The following MATN4 variants were observed in gnomAD, a reference collection of about 807,000 sequenced individuals.
MATN4 encodes matrilin 4, also known as matrilin-4.
MATN4 carries 40 observed loss-of-function variants against 54.6 expected under a neutral mutation model. The ratio of observed to expected loss-of-function variants is 0.73; its 90% CI spans 0.57 to 0.95. MATN4 has a LOEUF of 0.95. MATN4 is among the 40% of genes least tolerant of loss of function. MATN4 has a pLI of 0.00. For synonymous variants in MATN4, 351 were observed against 345.3 expected, an observed-to-expected ratio of 1.02 and a Z score of -0.18; for missense variants, 810 against 819.1, an observed-to-expected ratio of 0.99 and a Z score of 0.13.
intron 3 of MATN4, among the ~76,000 whole-genome samples, chr20:45,302,834 G>A (rs2145660739): frequency 6.6e-6 from 1 of 152,292 alleles, no homozygotes; most frequent in Middle Eastern, 3.4e-3. Context: ...TGTAATCCCA[G>A]CGCTTTGGGA....
chr20:45,301,047 C>T (rs1384899001), intron 5 of MATN4, 38 bp from the exon 6 acceptor site: 3 of 1,613,996 alleles, frequency 1.9e-6, no homozygotes, highest in African/African-American at 1.3e-5. Context: ...TCAGGATGGA[C>T]CCCACCAGCT....
intron 3 of MATN4, among the ~76,000 whole-genome samples, chr20:45,301,787 A>G (rs1478565434): frequency 6.6e-6 from 1 of 151,770 alleles, no homozygotes; most frequent in South Asian, 2.1e-4. Context: ...GCTGGACTGG[A>G]GAGAAGATAA....
rs769821700 is a variant in MATN4, at chr20:45,300,875, C to T, written c.1012+12G>A. The T allele has an allele frequency of 6.2e-7, 1 of 1,611,946 alleles. No homozygotes were observed. Among genetic ancestry groups the T allele is most frequent in the Admixed American group, 1.7e-5 (1 of 60,024 alleles). On this transcript the variant is annotated intron_variant, in intron 6 of 9. Transcript: ENST00000372756. ...CAGAAGCCAACAGAACACCCTCCCG[C>T]CCATCACTCACGGTTGCAGCTCTTG...
chr20:45,302,608 A>G (rs1398851502), intron 3 of MATN4, among the ~76,000 whole-genome samples: 1 of 151,184 alleles, frequency 6.6e-6, no homozygotes, highest in Admixed American at 6.6e-5. Context: ...CTATCTCTTA[A>G]AAAGAGAGAG....
rs1985624741 is a variant in MATN4, at chr20:45,293,787, G to C, written c.1726C>G (p.Gln576Glu). Residue 576 changes from glutamine to glutamate, a missense_variant, in exon 10 of 10, where the codon CAG (glutamine) becomes GAG (glutamate). Transcript: ENST00000372756. ...GGCCCTCACTTCTGGTTGGCCAGCT[G>C]GTTCTCCAGATCCTCCAGGCGCGCC... is the stretch of plus-strand genomic sequence containing the variant. ...LTARLEDLEN[Q>E]LANQK is the part of the protein sequence containing the mutation. 1 of 1,610,102 alleles carries C rather than the reference G, an allele frequency of 6.2e-7. No individual in the cohort carries two copies. The highest frequency in any genetic ancestry group is 8.5e-7 in the Non-Finnish European group (1 of 1,179,826).
At chr20:45,303,738 C>G (rs1028278514) in intron 3 of MATN4, among the ~76,000 whole-genome samples, 1 of 152,154 alleles carries the variant, frequency 6.6e-6, no homozygotes, top group Non-Finnish European at 1.5e-5. Context: ...CAATTAGACA[C>G]GTCAGTGGGC....
At chr20:45,301,547 A>G (rs1986234401) in intron 3 of MATN4, 104 bp from the exon 4 acceptor site, 2 of 1,253,828 alleles carry the variant, frequency 1.6e-6, no homozygotes, top group Non-Finnish European at 2.2e-6. Context: ...CTGGGCCCCA[A>G]CCCCAAAAAT....
chr20:45,304,800 G>C lies in MATN4; in HGVS notation c.74-3C>G, dbSNP rs1284580432. On this transcript the variant is annotated splice_region_variant and splice_polypyrimidine_tract_variant and intron_variant, in intron 2 of 9. Coordinates refer to ENST00000372756, the MANE Select transcript of MATN4 (RefSeq NM_001393530.1). ...GGGCCCAGTGTGACACCTGGGACCT[G>C]CGGGGAGATCAGGGAGGACTCTCCT... The C allele has an allele frequency of 6.4e-7, 1 of 1,563,800 alleles. No individual in the cohort carries two copies. The highest frequency in any genetic ancestry group is 1.4e-5 in the African/African-American group (1 of 73,610).
chr20:45,307,000 C>A lies in MATN4; in HGVS notation c.-35+1175G>T, dbSNP rs867575973. The A allele has an allele frequency of 1.3e-5, 13 of 1,022,184 alleles. No individual in the cohort carries two copies. In the Middle Eastern group the frequency reaches 1.1e-3, roughly 90 times the overall value. 63.3% of individuals were successfully genotyped at this position (1,022,184 alleles called of 1,614,324 possible). On this transcript the variant is annotated intron_variant, in intron 1 of 9. Transcript: ENST00000372756. ...ACGCCCCGTGAGAACTACGAAGGAC[C>A]ACCCCCCCACCCCCTCCCCACTATA... is the stretch of plus-strand genomic sequence containing the variant.
At chr20:45,300,178 GA>G (rs1252489953) in intron 6 of MATN4, among the ~76,000 whole-genome samples, 1 of 152,172 alleles carries the variant, frequency 6.6e-6, no homozygotes, top group African/African-American at 2.4e-5. Flanking sequence ...AGACAGTCTT[GA>G]AAGATCAGTA....
rs200721901 is a variant in MATN4 at position 45,297,078 on chromosome 20, C to T, written c.1579+840G>A. On this transcript the variant is annotated intron_variant, in intron 8 of 9. Coordinates refer to ENST00000372756, the MANE Select transcript of MATN4 (RefSeq NM_001393530.1). ...AACTCCTGATCTCAAGTGATCCAGC[C>T]GCCTCGGCCTCCCAGAGTGCTGGGA... Among the ~76,000 whole-genome samples the T allele has an allele frequency of 7.2e-5, 11 of 151,848 alleles. No homozygotes were observed. The East Asian group carries it at 9.7e-4, about 13-fold the overall frequency.
Position 45,293,945 on chromosome 20 carries a change from G to A in MATN4, c.1650C>T (p.Gly550=). ...GGCTCTCGAGCGCCCCCAGCGTGCG[G>A]CCCTGGAACTCCACGAGGCTTTCGC... is the stretch of plus-strand genomic sequence containing the variant. ...CECESLVEFQ[G]RTLGALESLT... The change falls in exon 9 of 10, where the codon GGC becomes GGT. Residue 550 remains glycine, a synonymous_variant. Transcript: ENST00000372756. 1.2e-6 allele frequency: 2 copies of A among 1,602,582 alleles called. No individual in the cohort carries two copies. Among genetic ancestry groups the A allele is most frequent in the Non-Finnish European group, 8.5e-7 (1 of 1,178,922 alleles).
chr20:45,298,463 GA>G lies in MATN4; in HGVS notation c.1132del (p.Ser378ProfsTer31), dbSNP rs1226775776. ...CAGCCCCACCCGCGTGCCCTCGGGG[GA>G]CACATCTAGGAAGTCCACAATCTGG... ...VNQIVDFLDV[S>X]PEGTRVGLVQ... On this transcript the variant is annotated frameshift_variant, in exon 7 of 10. Coordinates refer to ENST00000372756, the MANE Select transcript of MATN4 (RefSeq NM_001393530.1). LOFTEE classifies it high-confidence loss of function. This position sits in a 1 kb window ranked among gnomAD's most constrained non-coding sequence, Gnocchi z 4.6. The G allele has an allele frequency of 6.2e-7, 1 of 1,613,720 alleles. No homozygotes were observed. Among genetic ancestry groups the G allele is most frequent in the Non-Finnish European group, 8.5e-7 (1 of 1,179,990 alleles).
intron 8 of MATN4, among the ~76,000 whole-genome samples, chr20:45,296,202 G>A (rs1227013218): frequency 4.8e-5 from 5 of 104,264 alleles, no homozygotes; most frequent in South Asian, 6.8e-4. Context: ...ATGACAGAGC[G>A]AGACTCCATC....
intron 6 of MATN4, 58 bp downstream of exon 6, chr20:45,300,829 C>T: frequency 6.2e-7 from 1 of 1,600,676 alleles, no homozygotes; most frequent in South Asian, 1.1e-5. Flanking sequence ...GTCAAGGACA[C>T]TCCAAATGTG....
upstream of MATN4, chr20:45,308,357 G>A: frequency 1.2e-5 from 9 of 752,444 alleles, no homozygotes; most frequent in Non-Finnish European, 2.1e-5. Flanking sequence ...GGGAGGGGAA[G>A]TGCAGGCTGC....
intron 3 of MATN4, among the ~76,000 whole-genome samples, chr20:45,302,519 C>T (rs988466606): frequency 6.6e-6 from 1 of 152,158 alleles, no homozygotes; most frequent in Non-Finnish European, 1.5e-5. Flanking sequence ...ACCTGTAATC[C>T]CAGCACTTTG....
chr20:45,295,805 G>A (rs1985779609), intron 8 of MATN4, among the ~76,000 whole-genome samples: 1 of 152,188 alleles, frequency 6.6e-6, no homozygotes, highest in Admixed American at 6.5e-5. Context: ...TTGGGCAGGA[G>A]GCCTTACAAT....
intron 3 of MATN4, among the ~76,000 whole-genome samples, chr20:45,302,771 G>A (rs571082137): frequency 3.6e-4 from 54 of 152,110 alleles, no homozygotes; most frequent in African/African-American, 1.1e-3. Context: ...AAGAGAAACT[G>A]TAAGGATGTG....
Sources: allele counts gnomAD v4.1 joint callset (sites outside exome capture counted in the v4.1 genomes callset), GRCh38; gene constraint gnomAD v4.1.1; non-coding constraint Gnocchi (gnomAD v3.1); transcripts MANE v1.5; gene names NCBI Gene and HGNC (gene_info 2026-07-23, HGNC 2026-07-21).